STK25: variants seen among roughly 807,000 people sequenced by gnomAD.
STK25 encodes the protein serine/threonine-protein kinase 25.
In STK25, 29 loss-of-function variants were observed where a neutral mutation model predicts 53.8. The observed-to-expected ratio is 0.54, with a 90% CI of 0.40 to 0.74. The LOEUF (loss-of-function observed/expected upper bound fraction) is 0.74, where lower values mean the gene tolerates loss of function less well. Ranked by LOEUF, STK25 falls within the 30% of genes least tolerant of loss-of-function variation. The pLI, the probability that STK25 is intolerant of heterozygous loss-of-function variation, is 0.00. For missense variants in STK25, 420 were observed against 568.0 expected, an observed-to-expected ratio of 0.74 and a Z score of 2.65; for synonymous variants, 247 against 238.3, an observed-to-expected ratio of 1.04 and a Z score of -0.33.
In STK25 at chr2:241,494,981, C is replaced by A. The variant is rs2124934658; in HGVS notation, c.*681G>T. On this transcript the variant is annotated 3_prime_UTR_variant, in exon 12 of 12. Transcript: ENST00000316586. This position sits in a 1 kb window ranked among gnomAD's most constrained non-coding sequence, Gnocchi z 4.9. ...GGACTCGGGACCAGGGACGCTGCAGCCCCGCATGGCCCGGGCCCCACCACA... is the reference window on the plus strand; with the variant it reads ...GGACTCGGGACCAGGGACGCTGCAGACCCGCATGGCCCGGGCCCCACCACA... 1 of 152,266 alleles carries A rather than the reference C, an allele frequency of 6.6e-6. No individual in the cohort carries two copies. Among genetic ancestry groups the A allele is most frequent in the Admixed American group, 6.5e-5 (1 of 15,278 alleles). The allele number at this position is 152,266 out of a possible 1,614,324, so 9.4% of individuals were successfully genotyped here.
intron 2 of STK25, among the ~76,000 whole-genome samples, chr2:241,503,680 G>C (rs1186248015): frequency 7.4e-6 from 1 of 135,248 alleles, no homozygotes; most frequent in African/African-American, 2.8e-5. Flanking sequence ...CTGGGCGACA[G>C]AGCAAGACTC....
chr2:241,508,990 C>T (rs1009406157), upstream of STK25, among the ~76,000 whole-genome samples: 14 of 152,142 alleles, frequency 9.2e-5, no homozygotes, highest in Admixed American at 8.5e-4. Context: ...CAGTGAGGCC[C>T]GGCGCCCTCC....
Position 241,501,871 on chromosome 2 carries a change from T to A in STK25, c.31-163A>T. 1 of 609,068 alleles carries A rather than the reference T, an allele frequency of 1.6e-6. No homozygotes were observed. The highest frequency in any genetic ancestry group is 2.0e-5 in the South Asian group (1 of 50,108). 37.7% of individuals were successfully genotyped at this position (609,068 alleles called of 1,614,324 possible). On this transcript the variant is annotated intron_variant, in intron 2 of 11. Transcript: ENST00000316586. The surrounding 1 kb of genome is among the most constrained non-coding windows in gnomAD (Gnocchi z 5.3). ...GGTTTCTTCCTTTCTCCCTTTTTGTTCAAAAACTAAACTTGGCCGGGCGTG... is the reference window on the plus strand; with the variant it reads ...GGTTTCTTCCTTTCTCCCTTTTTGTACAAAAACTAAACTTGGCCGGGCGTG...
chr2:241,508,750 C>G (rs1031019023), upstream of STK25: 1 of 985,380 alleles, frequency 1.0e-6, no homozygotes. Flanking sequence ...CGCCGCGAGG[C>G]TCTCTGGGAC....
intron 10 of STK25, chr2:241,497,292 T>C: frequency 3.6e-6 from 1 of 278,892 alleles, no homozygotes; most frequent in Admixed American, 4.9e-5. Flanking sequence ...CAGGGTCACG[T>C]GACTAACCAG....
At chr2:241,508,663 T>G, upstream of STK25, 2 of 985,302 alleles carry the variant, frequency 2.0e-6, no homozygotes, top group East Asian at 2.3e-4. Context: ...CACCGCCCAC[T>G]CCGGGCCCGG....
rs768150187 is a variant in STK25 at position 241,498,248 on chromosome 2, T to C, written c.1019A>G (p.His340Arg). 1.9e-6 allele frequency: 3 copies of C among 1,612,610 alleles called. No homozygotes were observed. Among genetic ancestry groups the C allele is most frequent in the Admixed American group, 1.7e-5 (1 of 59,974 alleles). ...HSKLHKGTAL[H>R]SSQKPAEPVK... ...CCAGGAACAGACCTTCTGTGAACTGTGCAGGGCCGTCCCCTTGTGAAGCTT... is the reference window on the plus strand; with the variant it reads ...CCAGGAACAGACCTTCTGTGAACTGCGCAGGGCCGTCCCCTTGTGAAGCTT... Residue 340 changes from histidine (H) to arginine (R), a missense_variant, in exon 9 of 12, where the codon CAC becomes CGC. By Grantham distance (29) the His-to-Arg change is conservative. Coordinates refer to ENST00000316586, the MANE Select transcript of STK25 (RefSeq NM_001271977.2).
chr2:241,501,194 T>C lies in STK25; in HGVS notation c.261+284A>G. ...ACTGGCACCACCAGCCACCTGCTCCTCACAGGCCCACTCACCACTGCCAGT... is the reference window on the plus strand; with the variant it reads ...ACTGGCACCACCAGCCACCTGCTCCCCACAGGCCCACTCACCACTGCCAGT... On this transcript the variant is annotated intron_variant, in intron 3 of 11. Transcript: ENST00000316586. This position sits in a 1 kb window ranked among gnomAD's most constrained non-coding sequence, Gnocchi z 5.3. 1 of 558,956 alleles carries C rather than the reference T, an allele frequency of 1.8e-6. No homozygotes were observed. Among genetic ancestry groups the C allele is most frequent in the Non-Finnish European group, 3.2e-6 (1 of 309,952 alleles). The allele number at this position is 558,956 out of a possible 1,614,324, so 34.6% of individuals were successfully genotyped here.
chr2:241,493,130 C>T lies in STK25; in HGVS notation c.*2532G>A, dbSNP rs1459344740. 2 of 1,142,056 alleles carry T rather than the reference C, an allele frequency of 1.8e-6. No individual in the cohort carries two copies. The highest frequency in any genetic ancestry group is 2.6e-6 in the Non-Finnish European group (2 of 760,158). The allele number at this position is 1,142,056 out of a possible 1,614,324, so 70.7% of individuals were successfully genotyped here. A position where few individuals can be genotyped will look rare whatever the true frequency, so the allele number is the denominator to read the frequency against. On this transcript the variant is annotated 3_prime_UTR_variant, in exon 12 of 12. Transcript: ENST00000316586. ...TGTCCCTTTTGTATTTTGGTTCTGCCCTCCCATGCTTTGCCCACACACCCT... is the reference window on the plus strand; with the variant it reads ...TGTCCCTTTTGTATTTTGGTTCTGCTCTCCCATGCTTTGCCCACACACCCT...
chr2:241,498,940 C>A, intron 7 of STK25, 49 bp downstream of exon 7: 1 of 1,612,076 alleles, frequency 6.2e-7, no homozygotes, highest in Non-Finnish European at 8.5e-7. Context: ...AGCGAACGCC[C>A]TCCCTCCACG....
At chr2:241,508,644 C>A, upstream of STK25, 1 of 986,690 alleles carries the variant, frequency 1.0e-6, no homozygotes, top group Non-Finnish European at 1.2e-6. Flanking sequence ...TCTCTGGGAC[C>A]CCGAGTCCCA....
Position 241,499,029 on chromosome 2 carries a change from T to C in STK25, c.731A>G (p.Lys244Arg), listed in dbSNP as rs2065352039. 3 of 1,614,038 alleles carry C rather than the reference T, an allele frequency of 1.9e-6. No individual in the cohort carries two copies. The South Asian group carries it at 3.3e-5, about 18-fold the overall frequency. ...TLEGQHSKPFKEFVEACLNKD... is the reference protein window; with the variant it reads ...TLEGQHSKPFREFVEACLNKD... The stretch of plus-strand genomic sequence containing the variant: ...GTTGAGGCAGGCCTCCACGAACTCC[T>C]TGAAGGGCTTGCTGTGCTGGCCCTC... Residue 244 changes from lysine to arginine, a missense_variant, in exon 7 of 12, where the codon AAG becomes AGG. Transcript: ENST00000316586.
At position 241,499,400 on chromosome 2, in the gene STK25, G is replaced by A. The variant is rs2065370045; in HGVS notation, c.442C>T (p.Leu148Phe). The A allele has an allele frequency of 1.9e-6, 3 of 1,613,782 alleles. No homozygotes were observed. Among genetic ancestry groups the A allele is most frequent in the Non-Finnish European group, 2.5e-6 (3 of 1,179,908 alleles). ...HRDIKAANVL[L>F]SEQGDVKLAD... ...AGCTTCACGTCACCCTGCTCCGAGA[G>A]TAGCACGTTGGCAGCTGCTTGACAC... Residue 148 changes from leucine to phenylalanine, a missense_variant, in exon 6 of 12, where the codon CTC (leucine) becomes TTC (phenylalanine). By Grantham distance (22) the Leu-to-Phe change is conservative. Transcript: ENST00000316586.
chr2:241,508,682 T>G (rs2066007814), upstream of STK25: 5 of 985,586 alleles, frequency 5.1e-6, no homozygotes, highest in Admixed American at 1.2e-4. Context: ...GGAAGCCTGC[T>G]GGCGTTGGAC....
rs1574933508 is a variant in STK25, at chr2:241,496,247, G to C, written c.1241+151C>G. 4 of 564,688 alleles carry C rather than the reference G, an allele frequency of 7.1e-6. No individual in the cohort carries two copies. Among genetic ancestry groups the C allele is most frequent in the East Asian group, 6.6e-5 (1 of 15,254 alleles). 35.0% of individuals were successfully genotyped at this position (564,688 alleles called of 1,614,324 possible). On this transcript the variant is annotated intron_variant, in intron 11 of 11. Coordinates refer to ENST00000316586, the MANE Select transcript of STK25 (RefSeq NM_001271977.2). This position sits in a 1 kb window ranked among gnomAD's most constrained non-coding sequence, Gnocchi z 5.8. ...GCCCTGTGAGCTGGGTCCAAACAAG[G>C]AAGAGGATGCCACGCCGCGCCTTCC...
At chr2:241,507,222 G>A (rs1354105154) in intron 2 of STK25, among the ~76,000 whole-genome samples, 1 of 152,214 alleles carries the variant, frequency 6.6e-6, no homozygotes, top group Non-Finnish European at 1.5e-5. Flanking sequence ...GAGGGGTAGA[G>A]AATGCAAGTC....
chr2:241,497,738 AG>A, intron 9 of STK25, 51 bp from the exon 10 acceptor site: 5 of 1,561,720 alleles, frequency 3.2e-6, no homozygotes, highest in Non-Finnish European at 4.4e-6. Context: ...GGTGACAGGC[AG>A]GGCACTCCCA....
Position 241,501,974 on chromosome 2 carries a change from C to T in STK25, c.31-266G>A. ...CTTGAGGTCAGGAGTTCGAGACCAG[C>T]CTGGCCAGCATGGTGAAACCCCATC... On this transcript the variant is annotated intron_variant, in intron 2 of 11. Transcript: ENST00000316586. The surrounding 1 kb of genome is among the most constrained non-coding windows in gnomAD (Gnocchi z 5.3). The T allele has an allele frequency of 2.5e-6, 1 of 392,402 alleles. No homozygotes were observed. The highest frequency in any genetic ancestry group is 4.8e-6 in the Non-Finnish European group (1 of 207,620). 24.3% of individuals were successfully genotyped at this position (392,402 alleles called of 1,614,324 possible). A position where few individuals can be genotyped will look rare whatever the true frequency, so the allele number is the denominator to read the frequency against.
Position 241,501,380 on chromosome 2 carries a change from G to C in STK25, c.261+98C>G, listed in dbSNP as rs2065501501. The C allele has an allele frequency of 1.6e-6, 2 of 1,271,186 alleles. No individual in the cohort carries two copies. The highest frequency in any genetic ancestry group is 3.0e-5 in the African/African-American group (2 of 67,630). The allele number at this position is 1,271,186 out of a possible 1,614,324, so 78.7% of individuals were successfully genotyped here. A position where few individuals can be genotyped will look rare whatever the true frequency, so the allele number is the denominator to read the frequency against. On this transcript the variant is annotated intron_variant, in intron 3 of 11. Transcript: ENST00000316586. The surrounding 1 kb of genome is among the most constrained non-coding windows in gnomAD (Gnocchi z 5.3). The stretch of plus-strand genomic sequence containing the variant: ...CGGAGGGCATGCACTGAACCGTCAA[G>C]ACCGCCTTGCACCCTCTGGCATGTC...
Sources: gnomAD v4.1 joint callset for allele counts (sites outside exome capture counted in the v4.1 genomes callset) on GRCh38, gnomAD v4.1.1 for gene constraint, Gnocchi (gnomAD v3.1) non-coding constraint, MANE v1.5 for transcripts, NCBI Gene and HGNC (gene_info 2026-07-23, HGNC 2026-07-21) for gene names.